The following SORCS2 variants were observed in gnomAD, a reference collection of about 807,000 sequenced individuals.
SORCS2 encodes the protein VPS10 domain-containing receptor SorCS2.
In SORCS2, 100 loss-of-function variants were observed where a neutral mutation model predicts 141.6. The ratio of observed to expected loss-of-function variants is 0.71; its 90% CI spans 0.60 to 0.83. SORCS2 has a LOEUF of 0.83. SORCS2 is among the 40% of genes least tolerant of loss of function. The pLI is 0.00. For missense variants in SORCS2, 1,646 were observed against 1,560.2 expected (o/e 1.05, Z -0.93); for synonymous variants, 789 against 676.9 (o/e 1.17, Z -2.57).
intron 1 of SORCS2, among the ~76,000 whole-genome samples, chr4:7,388,391 C>T (rs34620665): frequency 0.5 from 75,936 of 152,138 alleles, 20,536 homozygotes; most frequent in Non-Finnish European, 0.61. Flanking sequence ...GGGACCCGCC[C>T]GATGGGGGAG....
rs1728589022 is a variant in SORCS2 at position 7,219,797 on chromosome 4, G to T, written c.480+26671G>T. Reference sequence around the variant, plus strand: ...GGACACAGCCAAACCATATCAGGCTGGGAATTTGGAGGGCCTGTGGGTGGC... The same window carrying T: ...GGACACAGCCAAACCATATCAGGCTTGGAATTTGGAGGGCCTGTGGGTGGC... On this transcript the variant is annotated intron_variant, in intron 1 of 26. Transcript: ENST00000507866. 3.4e-5 allele frequency among the ~76,000 whole-genome samples: 5 copies of T among 146,174 alleles called. No individual in the cohort carries two copies. The South Asian group carries it at 1.1e-3, about 32-fold the overall frequency.
At chr4:7,264,377 C>T (rs1437063964) in intron 1 of SORCS2, among the ~76,000 whole-genome samples, 1 of 152,196 alleles carries the variant, frequency 6.6e-6, no homozygotes, top group Non-Finnish European at 1.5e-5. Flanking sequence ...TCCTGCTTGT[C>T]CAGGGGCATG....
chr4:7,389,335 G>T (rs1448999393), intron 1 of SORCS2, among the ~76,000 whole-genome samples: 1 of 152,150 alleles, frequency 6.6e-6, no homozygotes, highest in South Asian at 2.1e-4. Flanking sequence ...GACAGGCGAG[G>T]GTCTGAGTTG....
At chr4:7,527,583 C>T (rs1733775394) in intron 2 of SORCS2, among the ~76,000 whole-genome samples, 1 of 152,164 alleles carries the variant, frequency 6.6e-6, no homozygotes, top group Admixed American at 6.5e-5. Context: ...CCTGTAAGAC[C>T]CCCTGCAGAC....
intron 2 of SORCS2, chr4:7,433,604 C>A (rs764474969): frequency 3.7e-6 from 6 of 1,611,702 alleles, no homozygotes; most frequent in South Asian, 2.2e-5. Context: ...ATGCTGCAGC[C>A]ACCCTTGAAG....
intron 1 of SORCS2, among the ~76,000 whole-genome samples, chr4:7,327,577 G>A (rs560965906): frequency 1.3e-5 from 2 of 152,242 alleles, no homozygotes; most frequent in South Asian, 2.1e-4. Flanking sequence ...TCCCGGCTGC[G>A]TGGCTGCTTC....
At chr4:7,359,192 A>G (rs907514283) in intron 1 of SORCS2, among the ~76,000 whole-genome samples, 4 of 152,238 alleles carry the variant, frequency 2.6e-5, no homozygotes, top group African/African-American at 9.6e-5. Context: ...GCTACTCAGG[A>G]GGCTGAGGCA....
intron 2 of SORCS2, among the ~76,000 whole-genome samples, chr4:7,400,957 G>A (rs1023048128): frequency 2.0e-5 from 3 of 151,918 alleles, no homozygotes; most frequent in African/African-American, 7.3e-5. Flanking sequence ...ATGGATAGAT[G>A]AATGGATGGA....
intron 2 of SORCS2, among the ~76,000 whole-genome samples, chr4:7,468,044 C>G (rs1183035089): frequency 1.3e-5 from 2 of 152,206 alleles, no homozygotes; most frequent in Non-Finnish European, 2.9e-5. Flanking sequence ...AGGATGGCAG[C>G]GGGTTCTCCC....
At chr4:7,504,250 G>A (rs192072680) in intron 2 of SORCS2, among the ~76,000 whole-genome samples, 2 of 152,298 alleles carry the variant, frequency 1.3e-5, no homozygotes, top group Admixed American at 6.5e-5. Flanking sequence ...GACATCTGGC[G>A]GCCATCACTG....
At chr4:7,679,327 CA>C (rs1362720149) in intron 9 of SORCS2, among the ~76,000 whole-genome samples, 8 of 152,318 alleles carry the variant, frequency 5.3e-5, no homozygotes, top group African/African-American at 1.9e-4. Flanking sequence ...GCCCTGGCCA[CA>C]AGGCATCCTA....
At chr4:7,275,762 G>T (rs1003437461) in intron 1 of SORCS2, among the ~76,000 whole-genome samples, 6 of 152,168 alleles carry the variant, frequency 3.9e-5, no homozygotes, top group African/African-American at 1.4e-4. Flanking sequence ...AATGGAGGCA[G>T]TTCTCCAGCA....
chr4:7,209,513 A>T (rs1431155796), intron 1 of SORCS2, among the ~76,000 whole-genome samples: 2 of 152,086 alleles, frequency 1.3e-5, no homozygotes, highest in African/African-American at 4.8e-5. Flanking sequence ...CCCCAGCGTG[A>T]GGCTGGCTTC....
intron 11 of SORCS2, among the ~76,000 whole-genome samples, chr4:7,691,163 G>T (rs958581271): frequency 2.6e-5 from 4 of 152,236 alleles, no homozygotes; most frequent in African/African-American, 9.6e-5. Flanking sequence ...CACAGAGGGG[G>T]TGGCTGTGTG....
chr4:7,544,536 A>G (rs1713095200), intron 3 of SORCS2, among the ~76,000 whole-genome samples: 1 of 152,202 alleles, frequency 6.6e-6, no homozygotes, highest in African/African-American at 2.4e-5. Context: ...GAAGAGCTAT[A>G]TGTGCCCCCT....
chr4:7,405,555 C>A (rs1052386742), intron 2 of SORCS2, among the ~76,000 whole-genome samples: 3 of 151,752 alleles, frequency 2.0e-5, no homozygotes, highest in African/African-American at 4.8e-5. Context: ...TTGTAGAGAT[C>A]TTTCACTTCC....
In SORCS2 at chr4:7,728,411, C is replaced by G; in HGVS notation, c.2931C>G (p.Thr977=). 1 of 1,613,808 alleles carries G rather than the reference C, an allele frequency of 6.2e-7. No individual in the cohort carries two copies. Residue 977 remains threonine, a synonymous_variant, in exon 22 of 27, where the codon ACC becomes ACG. Coordinates refer to ENST00000507866, the MANE Select transcript of SORCS2 (RefSeq NM_020777.3). ...SKELDAYNPN[T]PEWREDVGLV... ...AGCTGGATGCCTACAACCCCAACAC[C>G]CCTGAGTGGAGGGAAGACGTGGGCC...
At chr4:7,621,415 TTGTG>T (rs59645194) in intron 3 of SORCS2, among the ~76,000 whole-genome samples, 5,539 of 149,366 alleles carry the variant, frequency 0.037, 293 homozygotes, top group African/African-American at 0.13. Flanking sequence ...GTGTGCATGT[TTGTG>T]TGTGTGTGTG....
At chr4:7,737,238 C>G (rs1387212830) in intron 26 of SORCS2, 66 bp downstream of exon 26, 1 of 1,543,136 alleles carries the variant, frequency 6.5e-7, no homozygotes, top group Admixed American at 2.0e-5. Flanking sequence ...CAAACCCACC[C>G]CGCCCTCCCA....
Sources: allele counts gnomAD v4.1 joint callset (sites outside exome capture counted in the v4.1 genomes callset), GRCh38; gene constraint gnomAD v4.1.1; transcripts MANE v1.5; gene names NCBI Gene and HGNC (gene_info 2026-07-23, HGNC 2026-07-21).